The following CMIP variants were observed in gnomAD, a reference collection of about 807,000 sequenced individuals.
CMIP encodes C-Maf-inducing protein.
CMIP carries 13 observed loss-of-function variants against 97.3 expected under a neutral mutation model. The ratio of observed to expected loss-of-function variants is 0.13; its 90% confidence interval spans 0.09 to 0.21. The LOEUF (loss-of-function observed/expected upper bound fraction) is 0.21, where lower values mean the gene tolerates loss of function less well. Ranked by LOEUF, CMIP falls within the 10% of genes least tolerant of loss-of-function variation. The probability of loss-of-function intolerance (pLI) is 1.00; values close to 1 mark genes in which losing one functional copy is unlikely to be tolerated. For missense variants in CMIP, 847 were observed against 1,024.9 expected (o/e 0.83, Z 2.37); for synonymous variants, 538 against 436.3 (o/e 1.23, Z -2.91).
intron 1 of CMIP, among the ~76,000 whole-genome samples, chr16:81,606,710 G>T (rs568331057): frequency 6.6e-6 from 1 of 152,314 alleles, no homozygotes; most frequent in East Asian, 1.9e-4. Context: ...TGGCCAGGAG[G>T]CAGACATCCA....
chr16:81,687,373 G>A (rs1905527317), intron 10 of CMIP, among the ~76,000 whole-genome samples: 1 of 152,190 alleles, frequency 6.6e-6, no homozygotes, highest in Non-Finnish European at 1.5e-5. Flanking sequence ...CTCACTTTAT[G>A]TGTCACGGTT....
chr16:81,446,327 G>A (rs1374730681), intron 1 of CMIP, among the ~76,000 whole-genome samples: 1 of 152,094 alleles, frequency 6.6e-6, no homozygotes, highest in Admixed American at 6.5e-5. Flanking sequence ...GACTGGGTCA[G>A]CTGGATGAGT....
chr16:81,470,065 A>G (rs1907430780), intron 1 of CMIP, among the ~76,000 whole-genome samples: 1 of 152,246 alleles, frequency 6.6e-6, no homozygotes, highest in Non-Finnish European at 1.5e-5. Context: ...TATCTTGTGC[A>G]GAAATCATGA....
At chr16:81,464,774 C>T (rs1327599838) in intron 1 of CMIP, 2 of 152,314 alleles carry the variant, frequency 1.3e-5, no homozygotes, top group East Asian at 3.9e-4. Flanking sequence ...ATGAGTTTGC[C>T]TATTGAAGTA....
chr16:81,696,591 G>A lies in CMIP; in HGVS notation c.1562G>A (p.Gly521Asp). 1 of 1,606,428 alleles carries A rather than the reference G, an allele frequency of 6.2e-7. No individual in the cohort carries two copies. The highest frequency in any genetic ancestry group is 8.5e-7 in the Non-Finnish European group (1 of 1,179,822). The part of the protein sequence containing the change: ...VHSCLLSVRA[G>D]KDGWFQLYSP... ...TCATGCCTGCTGAGCGTGCGGGCCG[G>A]CAAAGATGGCTGGTTCCAGCTCTAC... Residue 521 changes from glycine (G) to aspartate (D), a missense_variant, in exon 14 of 21, where the codon GGC becomes GAC. This residue lies in a region of CMIP where 266 missense variants were observed against 384.2 expected (regional missense o/e 0.69). Coordinates refer to ENST00000537098, the MANE Select transcript of CMIP (RefSeq NM_198390.3).
At chr16:81,463,287 A>G (rs774901223) in intron 1 of CMIP, among the ~76,000 whole-genome samples, 30 of 152,308 alleles carry the variant, frequency 2.0e-4, no homozygotes, top group Admixed American at 9.8e-4. Context: ...GCCACACCCT[A>G]GAGCAAAACG....
chr16:81,665,200 C>T (rs909753026), intron 7 of CMIP: 18 of 151,884 alleles, frequency 1.2e-4, no homozygotes, highest in African/African-American at 2.2e-4. Flanking sequence ...GCGGGTGGGG[C>T]GCTTGTAATC....
intron 2 of CMIP, among the ~76,000 whole-genome samples, chr16:81,608,561 C>G (rs1490213285): frequency 6.6e-6 from 1 of 151,974 alleles, no homozygotes; most frequent in Non-Finnish European, 1.5e-5. Flanking sequence ...CCATTCAGCC[C>G]CCAGGAATTC....
intron 1 of CMIP, among the ~76,000 whole-genome samples, chr16:81,446,879 G>A (rs1238484854): frequency 7.5e-6 from 1 of 134,056 alleles, no homozygotes; most frequent in Non-Finnish European, 1.5e-5. Context: ...TGCAGCCCTC[G>A]AGGACTTTTA....
intron 1 of CMIP, among the ~76,000 whole-genome samples, chr16:81,571,687 C>T (rs1003795133): frequency 2.0e-5 from 3 of 151,680 alleles, no homozygotes; most frequent in Non-Finnish European, 2.9e-5. Context: ...GACGAGCAAG[C>T]GGTCCCTTCC....
Position 81,693,458 on chromosome 16 carries a change from C to G in CMIP, c.1501C>G (p.Gln501Glu). 1 of 1,612,582 alleles carries G rather than the reference C, an allele frequency of 6.2e-7. No homozygotes were observed. The highest frequency in any genetic ancestry group is 8.5e-7 in the Non-Finnish European group (1 of 1,179,328). Residue 501 changes from glutamine to glutamate, a missense_variant, in exon 13 of 21, where the codon CAG (glutamine) becomes GAG (glutamate). By Grantham distance (29) the Gln-to-Glu change is conservative (BLOSUM62 2). Around this residue, in one of 4 missense-constraint regions of CMIP, gnomAD observed 266 missense variants for 384.2 expected, o/e 0.69. Transcript: ENST00000537098. ...TTCCAGGGAACTGAAGTACGTGATT[C>G]AGAGGTTCGCCGAAGACCCCAGGCA... ...KFTKELKYVI[Q>E]RFAEDPRQEV...
rs1290843521 is a variant in CMIP at position 81,577,091 on chromosome 16, CATT to C, written c.301-30470_301-30468del. Among the ~76,000 whole-genome samples, 4 of 143,682 alleles carry C rather than the reference CATT, an allele frequency of 2.8e-5. 1 individual carries two copies. The highest frequency in any genetic ancestry group is 2.0e-4 in the East Asian group (1 of 4,936). The allele number at this position is 143,682 out of a possible 152,430, so 94.3% of individuals were successfully genotyped here. A position where few individuals can be genotyped will look rare whatever the true frequency, so the allele number is the denominator to read the frequency against. On this transcript the variant is annotated intron_variant, in intron 1 of 20. Coordinates refer to ENST00000537098, the MANE Select transcript of CMIP (RefSeq NM_198390.3). ...ACCACCATCATCCCCATTACCACTACATTATTATCACTATCACCATCACCACCA... is the reference window on the plus strand; with the variant it reads ...ACCACCATCATCCCCATTACCACTACATTATCACTATCACCATCACCACCA...
At chr16:81,448,920 C>T (rs16955356) in intron 1 of CMIP, among the ~76,000 whole-genome samples, 10,916 of 152,286 alleles carry the variant, frequency 0.072, 628 homozygotes, top group East Asian at 0.36. Flanking sequence ...CTCACTGGCT[C>T]TTCATGGCTG....
chr16:81,682,714 C>T (rs561313965), intron 10 of CMIP, among the ~76,000 whole-genome samples: 84 of 152,332 alleles, frequency 5.5e-4, no homozygotes, highest in African/African-American at 1.9e-3. Flanking sequence ...CAGTGTTTCC[C>T]GCTCCACTGC....
intron 12 of CMIP, 113 bp from the exon 13 acceptor site, chr16:81,693,326 C>T (rs771663423): frequency 1.1e-4 from 158 of 1,458,142 alleles, no homozygotes; most frequent in Non-Finnish European, 1.3e-4. Flanking sequence ...CCTGATCCAC[C>T]GCCTTGCCCA....
At chr16:81,538,940 G>A (rs978106677) in intron 1 of CMIP, among the ~76,000 whole-genome samples, 1 of 152,126 alleles carries the variant, frequency 6.6e-6, no homozygotes, top group Non-Finnish European at 1.5e-5. Context: ...GTGGAAACCT[G>A]ATCTACTAAG....
chr16:81,484,023 A>G (rs943172946), intron 1 of CMIP, among the ~76,000 whole-genome samples: 1 of 152,080 alleles, frequency 6.6e-6, no homozygotes, highest in Non-Finnish European at 1.5e-5. Context: ...AAATTAGTTA[A>G]TATTTGTTAA....
At chr16:81,494,438 T>A (rs2089454621) in intron 1 of CMIP, among the ~76,000 whole-genome samples, 1 of 152,180 alleles carries the variant, frequency 6.6e-6, no homozygotes, top group South Asian at 2.1e-4. Context: ...TGGGTCTCCC[T>A]ATAGCCTGGA....
chr16:81,552,702 C>T (rs1401257682), intron 1 of CMIP, among the ~76,000 whole-genome samples: 1 of 152,230 alleles, frequency 6.6e-6, no homozygotes, highest in African/African-American at 2.4e-5. Context: ...TGTCAGATGG[C>T]ACATTCCCAG....
Sources: gnomAD v4.1 joint callset for allele counts (sites outside exome capture counted in the v4.1 genomes callset) on GRCh38, gnomAD v4.1.1 for gene constraint, gnomAD v4.1.1 regional missense constraint, MANE v1.5 for transcripts, NCBI Gene and HGNC (gene_info 2026-07-23, HGNC 2026-07-21) for gene names.